Variants in TMEM144 observed in about 807,000 individuals in gnomAD.
TMEM144 encodes the protein transmembrane protein 144.
TMEM144 carries 39 observed loss-of-function variants against 43.6 expected under a neutral mutation model. The observed-to-expected ratio is 0.90, with a 90% CI of 0.69 to 1.17. The LOEUF is 1.17. Ranked by LOEUF, TMEM144 falls within the 50% of genes most tolerant of loss-of-function variation. The pLI is 0.00. For synonymous variants in TMEM144, 154 were observed against 133.6 expected (o/e 1.15, Z -1.06); for missense variants, 417 against 411.9 (o/e 1.01, Z -0.11).
At position 158,212,728 on chromosome 4, in the gene TMEM144, T is replaced by G. The variant is rs753891453; in HGVS notation, c.61T>G (p.Leu21Val). 3 of 1,613,758 alleles carry G rather than the reference T, an allele frequency of 1.9e-6. No individual in the cohort carries two copies. The highest frequency in any genetic ancestry group is 2.5e-6 in the Non-Finnish European group (3 of 1,179,882). Residue 21 changes from leucine (L) to valine (V), a missense_variant, in exon 3 of 13, where the codon TTG (leucine) becomes GTG (valine). Transcript: ENST00000296529. ...GYISCFVAIL[L>V]FGSNFVPLKK... ...CATCTCCTGTTTTGTAGCTATCCTT[T>G]TGTTTGGCTCAAATTTTGTGCCACT...
intron 12 of TMEM144, among the ~76,000 whole-genome samples, chr4:158,252,362 C>T (rs893769661): frequency 2.0e-5 from 3 of 152,160 alleles, no homozygotes; most frequent in Non-Finnish European, 2.9e-5. Flanking sequence ...TCCATCTCTC[C>T]ATCTACCCAT....
intron 4 of TMEM144, among the ~76,000 whole-genome samples, chr4:158,216,079 G>A (rs534443509): frequency 1.8e-4 from 27 of 152,058 alleles, no homozygotes; most frequent in Middle Eastern, 3.2e-3. Context: ...AAAAGAATTC[G>A]CTTTTAAATT....
At chr4:158,215,073 T>C (rs1734149421) in intron 3 of TMEM144, 118 bp from the exon 4 acceptor site, 9 of 1,260,420 alleles carry the variant, frequency 7.1e-6, no homozygotes, top group Admixed American at 1.8e-5. Context: ...GCAAAGTCCA[T>C]GGCATATGGC....
rs537986808 is a variant in TMEM144, at chr4:158,254,492, G to T, written c.*965G>T. On this transcript the variant is annotated 3_prime_UTR_variant, in exon 13 of 13. Coordinates refer to ENST00000296529, the MANE Select transcript of TMEM144 (RefSeq NM_018342.5). Reference sequence around the variant, plus strand: ...CTGAAATTAAGCCAGGCAGGGTGGCGCACTACTATAATCCCAGCTGCTGGG... The same window carrying T: ...CTGAAATTAAGCCAGGCAGGGTGGCTCACTACTATAATCCCAGCTGCTGGG... The T allele has an allele frequency of 1.3e-4, 19 of 144,588 alleles. No individual in the cohort carries two copies. In the Admixed American group the frequency reaches 1.4e-3, roughly 10 times the overall value. 9.0% of individuals were successfully genotyped at this position (144,588 alleles called of 1,614,324 possible).
chr4:158,237,485 C>T (rs758461976), intron 8 of TMEM144, 40 bp from the exon 9 acceptor site: 6 of 1,501,684 alleles, frequency 4.0e-6, no homozygotes, highest in Non-Finnish European at 5.5e-6. Context: ...AGAAATACTG[C>T]TTTGAGCCAA....
chr4:158,235,630 A>G (rs1264544961), intron 8 of TMEM144, 125 bp downstream of exon 8: 6 of 995,368 alleles, frequency 6.0e-6, no homozygotes, highest in East Asian at 2.9e-5. Context: ...TTTGACTTCT[A>G]TCTCCATGCG....
Position 158,217,432 on chromosome 4 carries a change from C to A in TMEM144, c.332+12C>A. ...TGGGCAAGCTCAAGGTAATTCAAGTCAAACTAGTTCAACTAAGATTTCCTG... is the reference window on the plus strand; with the variant it reads ...TGGGCAAGCTCAAGGTAATTCAAGTAAAACTAGTTCAACTAAGATTTCCTG... On this transcript the variant is annotated intron_variant, in intron 5 of 12. Transcript: ENST00000296529. 1.9e-6 allele frequency: 3 copies of A among 1,562,508 alleles called. No individual in the cohort carries two copies. The highest frequency in any genetic ancestry group is 1.8e-6 in the Non-Finnish European group (2 of 1,134,418).
At chr4:158,212,843 T>G in intron 3 of TMEM144, 67 bp downstream of exon 3, 1 of 1,226,954 alleles carries the variant, frequency 8.2e-7, no homozygotes, top group Admixed American at 1.9e-5. Context: ...TTTTGGTCTT[T>G]TAAAAGTATA....
intron 9 of TMEM144, among the ~76,000 whole-genome samples, chr4:158,239,964 C>T (rs1206285334): frequency 6.6e-6 from 1 of 150,962 alleles, no homozygotes; most frequent in Non-Finnish European, 1.5e-5. Flanking sequence ...CTGCTCACTT[C>T]AAGCTCCGCC....
In TMEM144 at chr4:158,241,548, G is replaced by T; in HGVS notation, c.842G>T (p.Cys281Phe). ...GTACTTTGGGCTATAGCTACCTGCT[G>T]TTGGTTCATAGCAAATCACTCTCTG... ...SGVLWAIATC[C>F]WFIANHSLSA... The change falls in exon 11 of 13, where the codon TGT becomes TTT. Residue 281 changes from cysteine to phenylalanine, a missense_variant. By Grantham distance (205) the Cys-to-Phe change is radical. Coordinates refer to ENST00000296529, the MANE Select transcript of TMEM144 (RefSeq NM_018342.5). The T allele has an allele frequency of 1.2e-6, 2 of 1,614,024 alleles. No individual in the cohort carries two copies. Among genetic ancestry groups the T allele is most frequent in the Non-Finnish European group, 1.7e-6 (2 of 1,179,890 alleles).
At chr4:158,215,102 A>C (rs558517278) in intron 3 of TMEM144, 89 bp from the exon 4 acceptor site, 3 of 1,548,582 alleles carry the variant, frequency 1.9e-6, no homozygotes, top group African/African-American at 2.7e-5. Context: ...AATTGTGGCC[A>C]TTCCTGTAAT....
At chr4:158,232,749 A>G in intron 6 of TMEM144, 152 bp from the exon 7 acceptor site, 2 of 571,422 alleles carry the variant, frequency 3.5e-6, no homozygotes, top group Non-Finnish European at 6.2e-6. Flanking sequence ...AGTTCTGGCA[A>G]AACGGCAGGA....
intron 6 of TMEM144, among the ~76,000 whole-genome samples, chr4:158,219,823 C>T (rs1195500146): frequency 6.6e-6 from 1 of 152,004 alleles, no homozygotes; most frequent in Non-Finnish European, 1.5e-5. Flanking sequence ...GTTTCCACTT[C>T]CCCTGTCTCC....
intron 6 of TMEM144, among the ~76,000 whole-genome samples, chr4:158,225,372 A>G (rs1265501613): frequency 6.6e-6 from 1 of 152,230 alleles, no homozygotes; most frequent in African/African-American, 2.4e-5. Context: ...CTTTTAACTC[A>G]TGAAAAGCTT....
rs922627590 is a variant in TMEM144 at position 158,215,081 on chromosome 4, G to A, written c.110-110G>A. The A allele has an allele frequency of 2.3e-5, 31 of 1,345,780 alleles. No individual in the cohort carries two copies. In the African/African-American group the frequency reaches 4.0e-4, roughly 18 times the overall value. 83.4% of individuals were successfully genotyped at this position (1,345,780 alleles called of 1,614,324 possible). On this transcript the variant is annotated intron_variant, in intron 3 of 12. Transcript: ENST00000296529. ...GAAATGTGCAAAGTCCATGGCATAT[G>A]GCATTTAATAAATTGTGGCCATTCC...
At chr4:158,252,702 G>A (rs1359009449) in intron 12 of TMEM144, among the ~76,000 whole-genome samples, 1 of 151,590 alleles carries the variant, frequency 6.6e-6, no homozygotes. Flanking sequence ...CAGCTACTTG[G>A]GAGGCTGAGA....
At chr4:158,249,350 C>T (rs1736063709) in intron 12 of TMEM144, among the ~76,000 whole-genome samples, 2 of 152,296 alleles carry the variant, frequency 1.3e-5, no homozygotes, top group South Asian at 4.1e-4. Context: ...CAGTTACTAC[C>T]ACAACAATGT....
intron 6 of TMEM144, among the ~76,000 whole-genome samples, chr4:158,223,979 A>T (rs1419266256): frequency 6.6e-6 from 1 of 152,240 alleles, no homozygotes; most frequent in Non-Finnish European, 1.5e-5. Context: ...ATCCTTGAGG[A>T]ATCACCATAC....
chr4:158,236,291 A>G (rs1011143937), intron 8 of TMEM144, among the ~76,000 whole-genome samples: 1 of 152,238 alleles, frequency 6.6e-6, no homozygotes, highest in Non-Finnish European at 1.5e-5. Context: ...TGAAAGAATA[A>G]CAAACAACAT....
Sources: gnomAD v4.1 joint callset for allele counts (sites outside exome capture counted in the v4.1 genomes callset) on GRCh38, gnomAD v4.1.1 for gene constraint, MANE v1.5 for transcripts, NCBI Gene and HGNC (gene_info 2026-07-23, HGNC 2026-07-21) for gene names.